ZNF407: variants seen among roughly 807,000 people sequenced by gnomAD.
The protein encoded by ZNF407 is zinc finger protein 407.
Under a neutral mutation model 131.2 loss-of-function variants are expected in ZNF407, and 17 were observed. That is an observed-to-expected ratio of 0.13 (90% CI 0.09 to 0.19). ZNF407 has a LOEUF of 0.19. Ranked by LOEUF, ZNF407 falls within the 10% of genes least tolerant of loss-of-function variation. The probability of loss-of-function intolerance (pLI) is 1.00; values close to 1 mark genes in which losing one functional copy is unlikely to be tolerated. For missense variants in ZNF407, 2,681 were observed against 2,830.6 expected (o/e 0.95, Z 1.20); for synonymous variants, 1,156 against 1,062.0 (o/e 1.09, Z -1.72).
At chr18:74,672,719 G>A (rs1247880791) in intron 3 of ZNF407, among the ~76,000 whole-genome samples, 1 of 152,062 alleles carries the variant, frequency 6.6e-6, no homozygotes, top group East Asian at 1.9e-4. Flanking sequence ...CTACTGCTTG[G>A]CTGTTGTGAA....
intron 7 of ZNF407, among the ~76,000 whole-genome samples, chr18:74,918,252 G>A (rs912645311): frequency 6.6e-6 from 1 of 152,220 alleles, no homozygotes; most frequent in South Asian, 2.1e-4. Flanking sequence ...AAAGCTGGCT[G>A]TGGTGTACTT....
chr18:74,953,943 T>C (rs1972246432), intron 8 of ZNF407, among the ~76,000 whole-genome samples: 1 of 152,184 alleles, frequency 6.6e-6, no homozygotes, highest in Non-Finnish European at 1.5e-5. Flanking sequence ...AAAGATAGGC[T>C]CAAAGTAAGG....
chr18:74,866,380 G>A (rs1259631787), intron 4 of ZNF407, among the ~76,000 whole-genome samples: 2 of 152,076 alleles, frequency 1.3e-5, no homozygotes, highest in Non-Finnish European at 2.9e-5. Context: ...AGCTCAAATG[G>A]TTCCTTAGAT....
intron 8 of ZNF407, among the ~76,000 whole-genome samples, chr18:75,041,292 G>A (rs916847319): frequency 6.6e-6 from 1 of 152,126 alleles, no homozygotes; most frequent in Non-Finnish European, 1.5e-5. Context: ...GCCTTACCAC[G>A]TTCCTAAGTG....
chr18:74,891,331 C>T (rs777865336), intron 7 of ZNF407, among the ~76,000 whole-genome samples: 4 of 152,156 alleles, frequency 2.6e-5, no homozygotes, highest in African/African-American at 9.7e-5. Flanking sequence ...CACATGATGG[C>T]GTGAAATTGA....
At chr18:74,704,772 A>G (rs1967585628) in intron 3 of ZNF407, among the ~76,000 whole-genome samples, 1 of 152,302 alleles carries the variant, frequency 6.6e-6, no homozygotes, top group East Asian at 1.9e-4. Context: ...TTTCTGCAAT[A>G]AGTGTCTTGG....
intron 8 of ZNF407, among the ~76,000 whole-genome samples, chr18:74,929,382 A>C (rs1971955137): frequency 6.6e-6 from 1 of 152,116 alleles, no homozygotes; most frequent in South Asian, 2.1e-4. Flanking sequence ...TTGAAAGTTA[A>C]AACAGTTAAA....
chr18:74,785,853 CCACATGGCA>C (rs755963115), intron 4 of ZNF407, among the ~76,000 whole-genome samples: 2 of 151,098 alleles, frequency 1.3e-5, no homozygotes, highest in East Asian at 1.9e-4. Context: ...TGCACATGGC[CCACATGGCA>C]CACACGTCAC....
At chr18:74,727,480 C>T (rs1289136868) in intron 3 of ZNF407, among the ~76,000 whole-genome samples, 1 of 152,098 alleles carries the variant, frequency 6.6e-6, no homozygotes, top group Non-Finnish European at 1.5e-5. Flanking sequence ...AGTAGGTGGT[C>T]TCCGGGACAC....
chr18:74,811,464 G>C lies in ZNF407; in HGVS notation c.4877+29962G>C, dbSNP rs1970194062. On this transcript the variant is annotated intron_variant, in intron 4 of 8. Coordinates refer to ENST00000299687, the MANE Select transcript of ZNF407 (RefSeq NM_017757.3). Reference sequence around the variant, plus strand: ...GTTCAACCATTGTGGAAGTCAGTGTGGCTATTCCTCAGGTATCTAGTACTA... The same window carrying C: ...GTTCAACCATTGTGGAAGTCAGTGTCGCTATTCCTCAGGTATCTAGTACTA... Among the ~76,000 whole-genome samples, 2 of 152,128 alleles carry C rather than the reference G, an allele frequency of 1.3e-5. 1 individual carries two copies. The highest frequency in any genetic ancestry group is 4.1e-4 in the South Asian group (2 of 4,822).
At position 74,703,345 on chromosome 18, in the gene ZNF407, A is replaced by G. The variant is rs577547484; in HGVS notation, c.4802+62223A>G. Among the ~76,000 whole-genome samples, 18 of 148,192 alleles carry G rather than the reference A, an allele frequency of 1.2e-4. No individual in the cohort carries two copies. Among genetic ancestry groups the G allele is most frequent in the African/African-American group, 4.1e-4 (16 of 39,406 alleles). On this transcript the variant is annotated intron_variant, in intron 3 of 8. Transcript: ENST00000299687. This position sits in a 1 kb window ranked among gnomAD's most constrained non-coding sequence, Gnocchi z 4.1. ...TTTAGATCTCTCTCTCTCTCTCCCCATGTGTGTCTCTGTCTCTGTCTCTCT... is the reference window on the plus strand; with the variant it reads ...TTTAGATCTCTCTCTCTCTCTCCCCGTGTGTGTCTCTGTCTCTGTCTCTCT...
intron 1 of ZNF407, among the ~76,000 whole-genome samples, chr18:74,609,380 C>T (rs550085375): frequency 6.6e-5 from 10 of 152,242 alleles, no homozygotes; most frequent in Middle Eastern, 3.4e-3. Flanking sequence ...TGTGGTCTAC[C>T]GCTCCTAGGC....
At chr18:74,995,538 C>T (rs575602187) in intron 8 of ZNF407, among the ~76,000 whole-genome samples, 1 of 152,246 alleles carries the variant, frequency 6.6e-6, no homozygotes, top group East Asian at 1.9e-4. Context: ...TTTTGCTGAC[C>T]GTGCTGTTTG....
intron 3 of ZNF407, among the ~76,000 whole-genome samples, chr18:74,763,061 A>G (rs911685933): frequency 6.6e-5 from 10 of 151,878 alleles, no homozygotes; most frequent in South Asian, 2.1e-4. Context: ...TAACTTTCCT[A>G]TTTTTCTACG....
intron 1 of ZNF407, among the ~76,000 whole-genome samples, chr18:74,610,291 G>A (rs1982998198): frequency 6.6e-6 from 1 of 152,168 alleles, no homozygotes; most frequent in South Asian, 2.1e-4. Flanking sequence ...TGCCACATTA[G>A]CTTTACTTTT....
At chr18:74,799,221 G>A (rs969904151) in intron 4 of ZNF407, among the ~76,000 whole-genome samples, 17 of 152,040 alleles carry the variant, frequency 1.1e-4, no homozygotes, top group African/African-American at 3.1e-4. Flanking sequence ...AATTTAGCAC[G>A]GAGGTTTGAT....
chr18:75,054,593 C>T (rs1306942959), intron 8 of ZNF407, among the ~76,000 whole-genome samples: 3 of 152,148 alleles, frequency 2.0e-5, no homozygotes, highest in Non-Finnish European at 2.9e-5. Flanking sequence ...CATAATTTTA[C>T]CTTTTAAGGT....
intron 4 of ZNF407, among the ~76,000 whole-genome samples, chr18:74,789,878 A>C (rs545763535): frequency 8.0e-6 from 1 of 125,222 alleles, no homozygotes; most frequent in South Asian, 2.5e-4. Flanking sequence ...TTTCCTCTGT[A>C]CTTTTGTTCT....
At chr18:74,615,151 C>T (rs1983231339) in intron 1 of ZNF407, among the ~76,000 whole-genome samples, 2 of 152,254 alleles carry the variant, frequency 1.3e-5, no homozygotes, top group Admixed American at 6.5e-5. Context: ...ATCTCTAGAT[C>T]ACAGCCTGGA....
Sources: allele counts gnomAD v4.1 joint callset (sites outside exome capture counted in the v4.1 genomes callset), GRCh38; gene constraint gnomAD v4.1.1; non-coding constraint Gnocchi (gnomAD v3.1); transcripts MANE v1.5; gene names NCBI Gene and HGNC (gene_info 2026-07-23, HGNC 2026-07-21).